CHCHD5: variants seen among roughly 807,000 people sequenced by gnomAD.
CHCHD5 encodes coiled-coil-helix-coiled-coil-helix domain-containing protein 5.
Under a neutral mutation model 16.0 loss-of-function variants are expected in CHCHD5, and 10 were observed. That is an observed-to-expected ratio of 0.63 (90% CI 0.39 to 1.06). The LOEUF is 1.06. Among genes scored for constraint, CHCHD5 ranks in the 50% least tolerant of loss-of-function variants. The pLI, the probability that CHCHD5 is intolerant of heterozygous loss-of-function variation, is 0.01. For missense variants in CHCHD5, 163 were observed against 153.4 expected, an observed-to-expected ratio of 1.06 and a Z score of -0.33; for synonymous variants, 55 against 56.3, an observed-to-expected ratio of 0.98 and a Z score of 0.10.
intron 3 of CHCHD5, chr2:112,586,942 T>C (rs1219780740): frequency 5.5e-6 from 1 of 181,060 alleles, no homozygotes; most frequent in African/African-American, 2.4e-5. Flanking sequence ...GGTTGGGCAA[T>C]TAGAACAAAA....
At chr2:112,584,463 T>G (rs772614764), upstream of CHCHD5, 60 of 684,426 alleles carry the variant, frequency 8.8e-5, no homozygotes, top group Admixed American at 8.8e-4. Flanking sequence ...GGCGCCGCCA[T>G]GACGAGCCGG....
At chr2:112,588,833 G>T in intron 3 of CHCHD5, 33 bp from the exon 4 acceptor site, 1 of 1,589,250 alleles carries the variant, frequency 6.3e-7, no homozygotes, top group East Asian at 2.2e-5. Context: ...CACAGAGGAG[G>T]TGCTACTAGA....
chr2:112,584,821 A>T (rs1436633405), intron 1 of CHCHD5, 172 bp downstream of exon 1: 1 of 735,986 alleles, frequency 1.4e-6, no homozygotes, highest in East Asian at 2.7e-5. Context: ...CGCATGCCCA[A>T]GCCCCGCCCT....
chr2:112,584,902 T>G, intron 1 of CHCHD5: 1 of 566,364 alleles, frequency 1.8e-6, no homozygotes, highest in Non-Finnish European at 3.2e-6. Flanking sequence ...ACCCAATCTC[T>G]GCCCCCAGTA....
At chr2:112,585,829 T>C (rs1294264452) in intron 1 of CHCHD5, 145 bp from the exon 2 acceptor site, 2 of 869,686 alleles carry the variant, frequency 2.3e-6, no homozygotes, top group East Asian at 2.7e-5. Flanking sequence ...ATCCAGGAGT[T>C]GGTGGCTACA....
rs758084316 is a variant in CHCHD5 at position 112,584,644 on chromosome 2, C to CGA, written c.-1_1dup. 8.1e-6 allele frequency: 13 copies of CGA among 1,613,866 alleles called. No homozygotes were observed. The highest frequency in any genetic ancestry group is 1.1e-5 in the Non-Finnish European group (13 of 1,179,970). On this transcript the variant is annotated 5_prime_UTR_variant, in exon 1 of 4. Transcript: ENST00000324913. The stretch of plus-strand genomic sequence containing the variant: ...GACAGCCCTACGCCGGCAAAGGTCT[C>CGA]GAGATGTGAGTAGTGAGAGCGCCTA...
intron 1 of CHCHD5, 24 bp downstream of exon 1, chr2:112,584,673 C>G (rs748321651): frequency 2.5e-6 from 4 of 1,613,830 alleles, no homozygotes; most frequent in Non-Finnish European, 3.4e-6. Flanking sequence ...GCGCCTACCC[C>G]ATACGTGCTG....
intron 3 of CHCHD5, 37 bp from the exon 4 acceptor site, chr2:112,588,829 G>T: frequency 6.3e-7 from 1 of 1,580,398 alleles, no homozygotes; most frequent in Non-Finnish European, 8.7e-7. Flanking sequence ...TGGGCACAGA[G>T]GAGGTGCTAC....
At position 112,588,860 on chromosome 2, in the gene CHCHD5, C is replaced by T. The variant is rs558387720; in HGVS notation, c.310-6C>T. 5.0e-6 allele frequency: 8 copies of T among 1,611,292 alleles called. No homozygotes were observed. In the East Asian group the frequency reaches 6.7e-5, roughly 13 times the overall value. ...GCTACTAGATGTTGATGTACTTTCT[C>T]CACAGGCACAGCCACTTCCTGCCTC... On this transcript the variant is annotated splice_region_variant and splice_polypyrimidine_tract_variant and intron_variant, in intron 3 of 3. Coordinates refer to ENST00000324913, the MANE Select transcript of CHCHD5 (RefSeq NM_032309.4).
rs977392839 is a variant in CHCHD5, at chr2:112,588,576, T to C, written c.310-290T>C. 1.4e-5 allele frequency: 6 copies of C among 432,966 alleles called. No homozygotes were observed. In the Admixed American group the frequency reaches 1.7e-4, roughly 12 times the overall value. 26.8% of individuals were successfully genotyped at this position (432,966 alleles called of 1,614,324 possible). A position where few individuals can be genotyped will look rare whatever the true frequency, so the allele number is the denominator to read the frequency against. ...ATTAAATTTTCTTCATCGAATTTCT[T>C]GGATGTTGACATATTTATTGTCCGT... On this transcript the variant is annotated intron_variant, in intron 3 of 3. Transcript: ENST00000324913.
In CHCHD5 at chr2:112,586,103, C is replaced by T. The variant is rs750880051; in HGVS notation, c.132C>T (p.Cys44=). 6.2e-7 allele frequency: 1 copy of T among 1,612,246 alleles called. No individual in the cohort carries two copies. Among genetic ancestry groups the T allele is most frequent in the Non-Finnish European group, 8.5e-7 (1 of 1,179,002 alleles). The change falls in exon 2 of 4, where the codon TGC becomes TGT. Residue 44 remains cysteine, a synonymous_variant. Coordinates refer to ENST00000324913, the MANE Select transcript of CHCHD5 (RefSeq NM_032309.4). ...ACCTTAAGATGAGCATTGCCCAGTGCACATCCTCCCAGTGAGTGCGGGCAA... is the reference window on the plus strand; with the variant it reads ...ACCTTAAGATGAGCATTGCCCAGTGTACATCCTCCCAGTGAGTGCGGGCAA... ...CHYLKMSIAQ[C]TSSHPIIRQI...
intron 3 of CHCHD5, 97 bp downstream of exon 3, chr2:112,586,462 C>G (rs1413205380): frequency 1.3e-6 from 2 of 1,575,186 alleles, no homozygotes; most frequent in Non-Finnish European, 1.7e-6. Context: ...ATCCTCAGCC[C>G]CACCCCATCA....
In CHCHD5 at chr2:112,585,976, A is replaced by G. The variant is rs773045038; in HGVS notation, c.5A>G (p.Gln2Arg). M[Q>R]AALEVTARYC... ...CCTCAGCCCATCCTGTCCCACAGGC[A>G]GGCGGCCCTAGAGGTCACCGCTCGC... is the stretch of plus-strand genomic sequence containing the variant. Residue 2 changes from glutamine (Q) to arginine (R), a missense_variant and splice_region_variant, in exon 2 of 4, where the codon CAG becomes CGG. Transcript: ENST00000324913. 1.5e-5 allele frequency: 24 copies of G among 1,613,146 alleles called. No homozygotes were observed. Among genetic ancestry groups the G allele is most frequent in the Admixed American group, 3.3e-5 (2 of 60,002 alleles).
chr2:112,588,375 C>T (rs1050166442), intron 3 of CHCHD5: 2 of 152,492 alleles, frequency 1.3e-5, no homozygotes, highest in African/African-American at 4.8e-5. Context: ...ACAGTTTTTC[C>T]TTCCTAGCTA....
At chr2:112,586,764 T>G in intron 3 of CHCHD5, 1 of 622,184 alleles carries the variant, frequency 1.6e-6, no homozygotes, top group South Asian at 2.5e-5. Flanking sequence ...TGTTCTTCCC[T>G]AGGCTGACTT....
intron 1 of CHCHD5, 37 bp downstream of exon 1, chr2:112,584,686 G>T (rs1487620493): frequency 2.0e-5 from 33 of 1,613,066 alleles, no homozygotes; most frequent in East Asian, 4.5e-5. Flanking sequence ...ACGTGCTGCC[G>T]CTCCCCTTCT....
At chr2:112,586,773 T>G in intron 3 of CHCHD5, 1 of 575,334 alleles carries the variant, frequency 1.7e-6, no homozygotes, top group Admixed American at 3.4e-5. Context: ...CTAGGCTGAC[T>G]TCATCTGCCT....
chr2:112,585,860 T>C, intron 1 of CHCHD5, 114 bp from the exon 2 acceptor site: 1 of 1,215,242 alleles, frequency 8.2e-7, no homozygotes, highest in Non-Finnish European at 1.1e-6. Flanking sequence ...ATCGTGCCAC[T>C]GCACTCCAGC....
rs115052296 is a variant in CHCHD5 at position 112,589,033 on chromosome 2, A to T, written c.*144A>T. 2,431 of 639,464 alleles carry T rather than the reference A, an allele frequency of 3.8e-3. 11 individuals are homozygous for T. The highest frequency in any genetic ancestry group is 6.1e-3 in the Non-Finnish European group (2,167 of 357,972). 39.6% of individuals were successfully genotyped at this position (639,464 alleles called of 1,614,324 possible). On this transcript the variant is annotated 3_prime_UTR_variant, in exon 4 of 4. Coordinates refer to ENST00000324913, the MANE Select transcript of CHCHD5 (RefSeq NM_032309.4). ...GACTTCCAATAAATAAAGACTCTGT[A>T]TACTGGGCTTTGATTCCTGCCATCC...
Sources: gnomAD v4.1 joint callset for allele counts on GRCh38, gnomAD v4.1.1 for gene constraint, MANE v1.5 for transcripts, NCBI Gene and HGNC (gene_info 2026-07-23, HGNC 2026-07-21) for gene names.